Variants in VPS41 observed in about 807,000 individuals in gnomAD.
VPS41 encodes the protein VPS41 subunit of HOPS complex.
In VPS41, 85 loss-of-function variants were observed where a neutral mutation model predicts 130.9. That is an observed-to-expected ratio of 0.65 (90% CI 0.55 to 0.78). VPS41 has a LOEUF of 0.78. VPS41 is among the 30% of genes least tolerant of loss of function. The pLI is 0.00. For synonymous variants in VPS41, 335 were observed against 332.9 expected (o/e 1.01, Z -0.07); for missense variants, 874 against 1,018.7 (o/e 0.86, Z 1.93).
chr7:38,800,399 T>C (rs944176713), intron 7 of VPS41, among the ~76,000 whole-genome samples: 4 of 152,184 alleles, frequency 2.6e-5, no homozygotes, highest in Non-Finnish European at 5.9e-5. Flanking sequence ...TTTTATATTA[T>C]TTTTATTTTA....
Position 38,728,700 on chromosome 7 carries a change from A to G in VPS41, c.2351T>C (p.Leu784Pro). The G allele has an allele frequency of 6.2e-7, 1 of 1,614,194 alleles. No individual in the cohort carries two copies. Among genetic ancestry groups the G allele is most frequent in the South Asian group, 1.1e-5 (1 of 91,078 alleles). ...KMHRTQMKGV[L>P]VDEENICESC... is the part of the protein sequence containing the mutation. The stretch of plus-strand genomic sequence containing the variant: ...ATTTCAATTTTACCCACCATCAACA[A>G]GAACACCTTTCATTTGAGTTCGGTG... The change falls in exon 26 of 29, where the codon CTT becomes CCT. Residue 784 changes from leucine to proline, a missense_variant. Transcript: ENST00000310301.
intron 2 of VPS41, among the ~76,000 whole-genome samples, chr7:38,888,034 AGACGTG>A (rs1786773769): frequency 6.6e-6 from 1 of 152,260 alleles, no homozygotes; most frequent in African/African-American, 2.4e-5. Flanking sequence ...AGGAAGCACT[AGACGTG>A]GATAGGAACA....
chr7:38,819,480 G>T (rs1275336405), intron 6 of VPS41, among the ~76,000 whole-genome samples: 1 of 152,136 alleles, frequency 6.6e-6, no homozygotes, highest in African/African-American at 2.4e-5. Flanking sequence ...CTTTAAAGAA[G>T]AGTCTCTGCT....
intron 27 of VPS41, among the ~76,000 whole-genome samples, chr7:38,727,357 G>A (rs1398770428): frequency 6.6e-6 from 1 of 152,196 alleles, no homozygotes; most frequent in East Asian, 1.9e-4. Context: ...CAGTCCACCT[G>A]CTACCTTTGC....
intron 17 of VPS41, 85 bp downstream of exon 17, chr7:38,763,370 G>T: frequency 2.3e-6 from 2 of 869,062 alleles, no homozygotes; most frequent in East Asian, 2.7e-5. Context: ...TTCCTTTACA[G>T]GCATTGCTCC....
At chr7:38,815,528 G>T (rs189219323) in intron 7 of VPS41, among the ~76,000 whole-genome samples, 1 of 152,326 alleles carries the variant, frequency 6.6e-6, no homozygotes, top group East Asian at 1.9e-4. Context: ...CACTGTGATG[G>T]TTAATAACAA....
chr7:38,900,693 G>A (rs971261306), intron 1 of VPS41, among the ~76,000 whole-genome samples: 1 of 152,202 alleles, frequency 6.6e-6, no homozygotes, highest in Non-Finnish European at 1.5e-5. Flanking sequence ...AGGGAAAACT[G>A]GGCTCTGAGA....
At chr7:38,869,305 A>G in intron 2 of VPS41, 52 bp from the exon 3 acceptor site, 2 of 1,254,502 alleles carry the variant, frequency 1.6e-6, no homozygotes, top group Non-Finnish European at 2.3e-6. Flanking sequence ...ATTTGTTTTG[A>G]AAACCTCAAA....
chr7:38,817,686 T>A (rs948636756), intron 7 of VPS41, 131 bp downstream of exon 7: 2 of 803,538 alleles, frequency 2.5e-6, no homozygotes, highest in South Asian at 2.9e-5. Context: ...ATCATCAGAT[T>A]TCATTACATT....
At chr7:38,816,296 G>A (rs1173799248) in intron 7 of VPS41, among the ~76,000 whole-genome samples, 4 of 152,130 alleles carry the variant, frequency 2.6e-5, no homozygotes, top group African/African-American at 9.7e-5. Context: ...CAGAACTGGC[G>A]TGATCTTGGC....
In VPS41 at chr7:38,767,614, T is replaced by TGAAG; in HGVS notation, c.1186-20_1186-17dup. ...AGCCAATATCCTAGAGAAAGCCAAA[T>TGAAG]GAAGAAATGTCAAAATTTAACTGAA... On this transcript the variant is annotated splice_polypyrimidine_tract_variant and intron_variant, in intron 14 of 28. Transcript: ENST00000310301. The TGAAG allele has an allele frequency of 6.3e-7, 1 of 1,599,722 alleles. No individual in the cohort carries two copies. The highest frequency in any genetic ancestry group is 2.2e-5 in the East Asian group (1 of 44,456).
chr7:38,867,120 T>C (rs943604895), intron 3 of VPS41, among the ~76,000 whole-genome samples: 4 of 152,204 alleles, frequency 2.6e-5, no homozygotes, highest in African/African-American at 9.7e-5. Context: ...CAAATCTATA[T>C]AGATACGAGG....
At chr7:38,845,796 G>C (rs1309979059) in intron 4 of VPS41, among the ~76,000 whole-genome samples, 1 of 152,156 alleles carries the variant, frequency 6.6e-6, no homozygotes, top group South Asian at 2.1e-4. Context: ...ATTTGGTTCT[G>C]ATACCCCTGT....
In VPS41 at chr7:38,894,447, C is replaced by A. The variant is rs141676856; in HGVS notation, c.60+3644G>T. ...CTAGAGGCAGCGGGGGGCACGGAGGCTAGGGTTGGGGGGAAGTGGGGGAGG... is the reference window on the plus strand; with the variant it reads ...CTAGAGGCAGCGGGGGGCACGGAGGATAGGGTTGGGGGGAAGTGGGGGAGG... On this transcript the variant is annotated intron_variant, in intron 2 of 28. Transcript: ENST00000310301. Among the ~76,000 whole-genome samples the A allele has an allele frequency of 4.6e-3, 668 of 146,228 alleles. 7 individuals carry two copies. Among genetic ancestry groups the A allele is most frequent in the African/African-American group, 0.017 (648 of 39,198 alleles).
At chr7:38,747,447 A>G (rs1002411452) in intron 22 of VPS41, among the ~76,000 whole-genome samples, 6 of 152,238 alleles carry the variant, frequency 3.9e-5, no homozygotes, top group African/African-American at 1.4e-4. Context: ...ACTAATGATA[A>G]GCATTTATGC....
intron 3 of VPS41, among the ~76,000 whole-genome samples, chr7:38,864,044 A>T (rs1293704923): frequency 1.3e-5 from 2 of 152,212 alleles, no homozygotes; most frequent in East Asian, 3.8e-4. Context: ...ATACGATAAG[A>T]ATTGAAAACA....
At chr7:38,878,688 T>C (rs1263387612) in intron 2 of VPS41, among the ~76,000 whole-genome samples, 1 of 152,226 alleles carries the variant, frequency 6.6e-6, no homozygotes, top group Admixed American at 6.5e-5. Flanking sequence ...CAGGGCCATC[T>C]TGACAGACAC....
At chr7:38,849,108 G>A (rs1785791558) in intron 4 of VPS41, among the ~76,000 whole-genome samples, 1 of 152,094 alleles carries the variant, frequency 6.6e-6, no homozygotes, top group African/African-American at 2.4e-5. Flanking sequence ...AACTTTAGAA[G>A]GACATACAAA....
At chr7:38,784,601 C>T (rs988082225) in intron 10 of VPS41, among the ~76,000 whole-genome samples, 1 of 142,222 alleles carries the variant, frequency 7.0e-6, no homozygotes, top group African/African-American at 2.7e-5. Flanking sequence ...TGCCACTGCA[C>T]TAAAGCCTGG....
Sources: gnomAD v4.1 joint callset for allele counts (sites outside exome capture counted in the v4.1 genomes callset) on GRCh38, gnomAD v4.1.1 for gene constraint, MANE v1.5 for transcripts, NCBI Gene and HGNC (gene_info 2026-07-23, HGNC 2026-07-21) for gene names.